Variants in STX12 observed in about 807,000 individuals in gnomAD.
STX12 encodes the protein syntaxin-12.
A neutral mutation model predicts 42.2 loss-of-function variants in STX12; 17 were observed. The ratio of observed to expected loss-of-function variants is 0.40; its 90% CI spans 0.28 to 0.60. The LOEUF (loss-of-function observed/expected upper bound fraction) is 0.60. STX12 is among the 20% of genes least tolerant of loss of function. STX12 has a pLI of 0.39. For synonymous variants in STX12, 108 were observed against 116.7 expected (o/e 0.93, Z 0.48); for missense variants, 297 against 330.9 (o/e 0.90, Z 0.79).
At chr1:27,807,168 G>A (rs1352385179) in intron 4 of STX12, among the ~76,000 whole-genome samples, 2 of 152,048 alleles carry the variant, frequency 1.3e-5, no homozygotes, top group South Asian at 2.1e-4. Flanking sequence ...TAAATGGGGT[G>A]TCTATCCCCT....
At chr1:27,792,182 G>GTATCTATATATATGTATATACATATATA (rs2088749330) in intron 2 of STX12, among the ~76,000 whole-genome samples, 1 of 106,066 alleles carries the variant, frequency 9.4e-6, no homozygotes, top group African/African-American at 6.6e-5. Context: ...ACATATATAT[G>GTATCTATATATATGTATATACATATATA]TATCTATATA....
intron 3 of STX12, among the ~76,000 whole-genome samples, chr1:27,798,967 AC>A (rs1381695688): frequency 9.9e-5 from 15 of 151,540 alleles, no homozygotes; most frequent in Non-Finnish European, 1.6e-4. Context: ...AAAAAAAAAA[AC>A]AAAAACATAA....
chr1:27,796,703 G>GTT (rs113275488), intron 3 of STX12, among the ~76,000 whole-genome samples: 47 of 136,564 alleles, frequency 3.4e-4, no homozygotes, highest in Admixed American at 3.7e-4. Context: ...TTTGTAAAGA[G>GTT]TTTTTTTTTT....
In STX12 at chr1:27,793,551, C is replaced by T; in HGVS notation, c.207C>T (p.Ser69=). The change falls in exon 3 of 9, where the codon TCC becomes TCT. Residue 69 remains serine, a synonymous_variant. Transcript: ENST00000373943. ...CTCTTAGGCAACAGTTACAACACTC[C>T]ACAAATCAGCTCGCCAAGGAAACAA... ...LQENLQQLQH[S]TNQLAKETNE... 3.1e-6 allele frequency: 5 copies of T among 1,614,024 alleles called. No homozygotes were observed. In the Middle Eastern group the frequency reaches 8.3e-4, roughly 266 times the overall value.
intron 3 of STX12, among the ~76,000 whole-genome samples, chr1:27,799,592 C>T (rs2088813419): frequency 6.6e-6 from 1 of 151,366 alleles, no homozygotes; most frequent in Non-Finnish European, 1.5e-5. Flanking sequence ...AAGCAGTTCT[C>T]CTGCCTCAGC....
At chr1:27,797,684 T>C (rs2088796320) in intron 3 of STX12, among the ~76,000 whole-genome samples, 1 of 152,142 alleles carries the variant, frequency 6.6e-6, no homozygotes, top group Non-Finnish European at 1.5e-5. Flanking sequence ...TCAATTCATG[T>C]TCTGACATCT....
chr1:27,791,938 C>T (rs989876273), intron 2 of STX12, among the ~76,000 whole-genome samples: 12 of 149,642 alleles, frequency 8.0e-5, no homozygotes, highest in Non-Finnish European at 1.2e-4. Flanking sequence ...GAGCCAAGAT[C>T]GCGCCACAGC....
chr1:27,811,087 A>G (rs968972448), intron 5 of STX12, among the ~76,000 whole-genome samples: 2 of 151,940 alleles, frequency 1.3e-5, no homozygotes, highest in African/African-American at 4.8e-5. Context: ...TGGGAGGCCG[A>G]GGCGGGTGGA....
intron 1 of STX12, 125 bp downstream of exon 1, chr1:27,773,550 C>T (rs1015963315): frequency 2.4e-6 from 2 of 836,240 alleles, no homozygotes; most frequent in African/African-American, 1.7e-5. Context: ...CTCGGGCTGT[C>T]CACCCTGGGG....
chr1:27,797,698 C>T (rs2088796433), intron 3 of STX12, among the ~76,000 whole-genome samples: 1 of 152,108 alleles, frequency 6.6e-6, no homozygotes, highest in Admixed American at 6.5e-5. Flanking sequence ...GACATCTCCT[C>T]CTGAAATAAA....
intron 3 of STX12, among the ~76,000 whole-genome samples, chr1:27,795,864 A>G (rs753820592): frequency 2.6e-5 from 4 of 152,050 alleles, no homozygotes; most frequent in Non-Finnish European, 1.5e-5. Context: ...AATATCTCCA[A>G]ACTGCTGCCA....
At chr1:27,796,708 T>G (rs1036214384) in intron 3 of STX12, among the ~76,000 whole-genome samples, 9 of 151,650 alleles carry the variant, frequency 5.9e-5, no homozygotes, top group Non-Finnish European at 1.0e-4. Flanking sequence ...AAAGAGTTTT[T>G]TTTTTTTTTT....
intron 5 of STX12, 127 bp downstream of exon 5, chr1:27,810,416 A>ATGTT: frequency 3.8e-6 from 3 of 780,272 alleles, no homozygotes; most frequent in African/African-American, 1.8e-5. Context: ...TGGATAACAT[A>ATGTT]ATCCACAGAA....
At chr1:27,774,107 A>G (rs1267381351) in intron 1 of STX12, 2 of 152,222 alleles carry the variant, frequency 1.3e-5, no homozygotes, top group Non-Finnish European at 2.9e-5. Context: ...TTTCAGGCAG[A>G]TGAGGCTTTT....
At chr1:27,821,244 G>T (rs1016890374) in intron 8 of STX12, among the ~76,000 whole-genome samples, 8 of 151,724 alleles carry the variant, frequency 5.3e-5, no homozygotes, top group Non-Finnish European at 1.2e-4. Flanking sequence ...ACCTGGGAGT[G>T]CTCGTAAAGA....
intron 6 of STX12, among the ~76,000 whole-genome samples, chr1:27,814,576 C>T (rs1421394593): frequency 2.0e-5 from 3 of 151,888 alleles, no homozygotes; most frequent in African/African-American, 4.8e-5. Flanking sequence ...TAGCCGGGCG[C>T]GGTGGCTCAT....
rs1054258870 is a variant in STX12, at chr1:27,822,734, A to T, written c.*405A>T. 1 of 158,508 alleles carries T rather than the reference A, an allele frequency of 6.3e-6. No homozygotes were observed. Among genetic ancestry groups the T allele is most frequent in the East Asian group, 1.8e-4 (1 of 5,638 alleles). 9.8% of individuals were successfully genotyped at this position (158,508 alleles called of 1,614,324 possible). On this transcript the variant is annotated 3_prime_UTR_variant, in exon 9 of 9. Transcript: ENST00000373943. ...AGAGTTACTTTCTGGTACCCAGTAT[A>T]TTGGAGTCTGTCAGAAACTCTATAA... is the stretch of plus-strand genomic sequence containing the variant.
In STX12 at chr1:27,777,558, C is replaced by A. The variant is rs556333273; in HGVS notation, c.118+4133C>A. Among the ~76,000 whole-genome samples, 131 of 152,258 alleles carry A rather than the reference C, an allele frequency of 8.6e-4. 2 individuals carry two copies. In the South Asian group the frequency reaches 0.026, roughly 30 times the overall value. On this transcript the variant is annotated intron_variant, in intron 1 of 8. Coordinates refer to ENST00000373943, the MANE Select transcript of STX12 (RefSeq NM_177424.3). ...CTCTTTCCCCTTGTACTGTGTAGTA[C>A]ATACCATATCCTATGACCCTAGGCA...
At chr1:27,781,264 G>A (rs937418540) in intron 1 of STX12, among the ~76,000 whole-genome samples, 1 of 152,002 alleles carries the variant, frequency 6.6e-6, no homozygotes, top group Non-Finnish European at 1.5e-5. Flanking sequence ...AGCTGGTCTC[G>A]AACTCCTGAC....
Sources: allele counts gnomAD v4.1 joint callset (sites outside exome capture counted in the v4.1 genomes callset), GRCh38; gene constraint gnomAD v4.1.1; transcripts MANE v1.5; gene names NCBI Gene and HGNC (gene_info 2026-07-23, HGNC 2026-07-21).